The following PRH1 variants were observed in gnomAD, a reference collection of about 807,000 sequenced individuals.
PRH1 encodes the protein proline rich protein HaeIII subfamily 1.
Under a neutral mutation model 7.9 loss-of-function variants are expected in PRH1, and 7 were observed. The observed-to-expected ratio is 0.89, with a 90% CI of 0.50 to 1.67. The LOEUF is 1.67. Ranked by LOEUF, PRH1 falls within the 40% of genes most tolerant of loss-of-function variation. The probability of loss-of-function intolerance (pLI) is 0.00; values close to 1 mark genes in which losing one functional copy is unlikely to be tolerated. For missense variants in PRH1, 109 were observed against 223.6 expected (o/e 0.49, Z 3.27); for synonymous variants, 45 against 80.8 (o/e 0.56, Z 2.38).
Position 11,112,830 on chromosome 12 carries a change from T to C in PRH1, n.123+58592A>G, listed in dbSNP as rs529986381. ...ATCAGGAAGAGAAAGAAATAAAGGG[T>C]ATTCAAATAGAAAGAAAGGAAGTCA... On this transcript the variant is annotated intron_variant and non_coding_transcript_variant, in intron 1 of 4. Coordinates refer to the PRH1 transcript ENST00000541977. Among the ~76,000 whole-genome samples the C allele has an allele frequency of 5.3e-5, 8 of 152,132 alleles. No homozygotes were observed. The South Asian group carries it at 1.5e-3, about 28-fold the overall frequency.
chr12:11,011,534 T>C (rs1459181615), intron 1 of PRH1, among the ~76,000 whole-genome samples: 1 of 152,160 alleles, frequency 6.6e-6, no homozygotes, highest in African/African-American at 2.4e-5. Flanking sequence ...TTTTTCCTTG[T>C]TTAACCTCTC....
At chr12:11,141,421 A>C (rs1422457760) in intron 1 of PRH1, among the ~76,000 whole-genome samples, 3 of 152,206 alleles carry the variant, frequency 2.0e-5, no homozygotes, top group African/African-American at 7.2e-5. Flanking sequence ...TAATGGTTTA[A>C]GATGAGTAGA....
intron 1 of PRH1, among the ~76,000 whole-genome samples, chr12:10,985,104 AT>A (rs1939540226): frequency 6.6e-6 from 1 of 152,028 alleles, no homozygotes; most frequent in South Asian, 2.1e-4. Context: ...TTGACATCAG[AT>A]CTCAACTTCA....
intron 2 of PRH1, among the ~76,000 whole-genome samples, chr12:10,911,064 C>A (rs929195864): frequency 1.3e-5 from 2 of 152,056 alleles, no homozygotes; most frequent in South Asian, 4.2e-4. Context: ...ATATTTATGA[C>A]CTTTAAATAT....
At chr12:11,037,554 C>G (rs986572221) in intron 1 of PRH1, among the ~76,000 whole-genome samples, 1 of 152,026 alleles carries the variant, frequency 6.6e-6, no homozygotes, top group Non-Finnish European at 1.5e-5. Context: ...AATTTAATAT[C>G]CATCGTAGTA....
chr12:11,104,634 T>A (rs184549659), intron 1 of PRH1, among the ~76,000 whole-genome samples: 1 of 152,200 alleles, frequency 6.6e-6, no homozygotes, highest in East Asian at 1.9e-4. Context: ...ACTTTAGCTA[T>A]TAAAACTCAG....
At chr12:10,961,332 A>G (rs1466259382) in intron 2 of PRH1, among the ~76,000 whole-genome samples, 2 of 151,046 alleles carry the variant, frequency 1.3e-5, no homozygotes, top group South Asian at 2.1e-4. Flanking sequence ...CCAGCGAACA[A>G]TGATAAAATC....
At chr12:10,992,669 T>C (rs1319140737) in intron 1 of PRH1, among the ~76,000 whole-genome samples, 1 of 152,162 alleles carries the variant, frequency 6.6e-6, no homozygotes. Context: ...CACCTCAGCC[T>C]CCCAAATTGT....
At chr12:10,971,659 A>C (rs569117548) in intron 2 of PRH1, among the ~76,000 whole-genome samples, 33 of 152,270 alleles carry the variant, frequency 2.2e-4, no homozygotes, top group Non-Finnish European at 4.3e-4. Flanking sequence ...ACTAAGCCAA[A>C]GAATTATATT....
At chr12:10,995,647 CTT>C (rs1463544919) in intron 1 of PRH1, among the ~76,000 whole-genome samples, 1 of 152,122 alleles carries the variant, frequency 6.6e-6, no homozygotes, top group East Asian at 1.9e-4. Flanking sequence ...AAAATTTGAG[CTT>C]TTTGAGGAAT....
intron 2 of PRH1, among the ~76,000 whole-genome samples, chr12:10,960,123 C>T (rs1938167815): frequency 6.6e-6 from 1 of 152,130 alleles, no homozygotes; most frequent in Non-Finnish European, 1.5e-5. Flanking sequence ...GCTGATAGGC[C>T]AATAGTTGAA....
intron 1 of PRH1, chr12:11,022,165 G>C (rs142089691): frequency 5.3e-5 from 85 of 1,613,756 alleles, no homozygotes; most frequent in Non-Finnish European, 6.5e-5. Flanking sequence ...AAATACCAAG[G>C]GCCCCAACAG....
intron 1 of PRH1, among the ~76,000 whole-genome samples, chr12:11,006,602 T>C (rs758705171): frequency 6.6e-6 from 1 of 151,864 alleles, no homozygotes; most frequent in Non-Finnish European, 1.5e-5. Flanking sequence ...ACACACAGAG[T>C]TGACAAAATG....
intron 1 of PRH1, among the ~76,000 whole-genome samples, chr12:11,102,596 T>C (rs528354027): frequency 6.6e-6 from 1 of 152,024 alleles, no homozygotes; most frequent in African/African-American, 2.4e-5. Context: ...ACCCTAGAAG[T>C]AAACCTAGGC....
chr12:10,966,073 A>G (rs967332894), intron 2 of PRH1, among the ~76,000 whole-genome samples: 3 of 152,194 alleles, frequency 2.0e-5, no homozygotes, highest in Admixed American at 1.3e-4. Context: ...ATAATTTCCA[A>G]AATGGAAAAT....
rs751274929 is a variant in PRH1 at position 10,985,936 on chromosome 12, G to A, written c.-125-12215C>T. On this transcript the variant is annotated intron_variant, in intron 1 of 3. Coordinates refer to the PRH1 transcript ENST00000539853. Reference sequence around the variant, plus strand: ...ACAATGTCCCACTTGTGAATCTAGAGAGTTGAGAGTTTCAGGTCTTTTACT... The same window carrying A: ...ACAATGTCCCACTTGTGAATCTAGAAAGTTGAGAGTTTCAGGTCTTTTACT... 2.7e-5 allele frequency: 42 copies of A among 1,578,258 alleles called. No individual in the cohort carries two copies. The African/African-American group carries it at 4.3e-4, about 16-fold the overall frequency.
At chr12:11,007,480 T>G (rs1342861082) in intron 1 of PRH1, among the ~76,000 whole-genome samples, 2 of 152,126 alleles carry the variant, frequency 1.3e-5, no homozygotes, top group Non-Finnish European at 2.9e-5. Context: ...TTTGGTAAAG[T>G]TACTCTCAAG....
intron 2 of PRH1, among the ~76,000 whole-genome samples, chr12:10,892,235 T>A (rs1379885556): frequency 6.6e-6 from 1 of 152,212 alleles, no homozygotes; most frequent in African/African-American, 2.4e-5. Flanking sequence ...AGAAGTGCAA[T>A]ACATTCATGG....
chr12:10,965,243 T>C (rs1392683470), intron 2 of PRH1: 1 of 1,478,416 alleles, frequency 6.8e-7, no homozygotes, highest in African/African-American at 1.4e-5. Context: ...CTTTTGTCTC[T>C]TGACCCACTC....
Sources: gnomAD v4.1 joint callset for allele counts (sites outside exome capture counted in the v4.1 genomes callset) on GRCh38, gnomAD v4.1.1 for gene constraint, MANE v1.5 for transcripts, NCBI Gene and HGNC (gene_info 2026-07-23, HGNC 2026-07-21) for gene names.